MTHFD1L: variants seen among roughly 807,000 people sequenced by gnomAD.
MTHFD1L encodes the protein monofunctional C1-tetrahydrofolate synthase, mitochondrial.
A neutral mutation model predicts 119.5 loss-of-function variants in MTHFD1L; 81 were observed. The ratio of observed to expected loss-of-function variants is 0.68; its 90% CI spans 0.57 to 0.82. MTHFD1L has a LOEUF of 0.82. MTHFD1L is among the 40% of genes least tolerant of loss of function. MTHFD1L has a pLI of 0.00. For synonymous variants in MTHFD1L, 430 were observed against 475.2 expected (o/e 0.90, Z 1.24); for missense variants, 1,125 against 1,253.4 (o/e 0.90, Z 1.55).
chr6:150,990,077 G>A (rs768279643), intron 20 of MTHFD1L, among the ~76,000 whole-genome samples: 89 of 152,214 alleles, frequency 5.8e-4, no homozygotes, highest in Non-Finnish European at 1.2e-3. Context: ...TCAGGAGTTC[G>A]AGACCAGCTT....
chr6:151,007,397 G>GC (rs1170085386), intron 20 of MTHFD1L, among the ~76,000 whole-genome samples: 5 of 151,434 alleles, frequency 3.3e-5, no homozygotes, highest in African/African-American at 1.2e-4. Context: ...TCCCACAAAT[G>GC]CTTAGGAATT....
rs1778214303 is a variant in MTHFD1L, at chr6:150,865,919, AGCGGCGGCGGCGGAG to A, written c.108_122del (p.Gly38_Gly42del). 9.2e-6 allele frequency: 11 copies of A among 1,197,908 alleles called. No homozygotes were observed. Among genetic ancestry groups the A allele is most frequent in the African/African-American group, 6.4e-5 (4 of 62,262 alleles). 74.2% of individuals were successfully genotyped at this position (1,197,908 alleles called of 1,614,324 possible). On this transcript the variant is annotated inframe_deletion, in exon 1 of 28. Transcript: ENST00000367321. ...CCTCCGTGTGCCCTGTCGCGCTAGC[AGCGGCGGCGGCGGAG>A]GCGGCGGCGGTGGCCGGGAGGGCCT... is the stretch of plus-strand genomic sequence containing the variant.
At chr6:151,030,250 C>CACCACA (rs1785148083) in intron 24 of MTHFD1L, among the ~76,000 whole-genome samples, 1 of 152,224 alleles carries the variant, frequency 6.6e-6, no homozygotes, top group Non-Finnish European at 1.5e-5. Flanking sequence ...CTGAGCCCTT[C>CACCACA]TACCTCACAC....
At chr6:151,001,656 G>A (rs1227249648) in intron 20 of MTHFD1L, among the ~76,000 whole-genome samples, 1 of 152,108 alleles carries the variant, frequency 6.6e-6, no homozygotes, top group African/African-American at 2.4e-5. Context: ...GCTGGGAGTG[G>A]GTAAAATACC....
At chr6:150,955,917 G>A in intron 16 of MTHFD1L, 78 bp from the exon 17 acceptor site, 1 of 1,261,436 alleles carries the variant, frequency 7.9e-7, no homozygotes, top group Non-Finnish European at 1.2e-6. Context: ...AACTTCCTGA[G>A]CATCAGAACA....
intron 24 of MTHFD1L, among the ~76,000 whole-genome samples, chr6:151,025,904 A>G (rs535870387): frequency 1.3e-5 from 2 of 152,322 alleles, no homozygotes; most frequent in Admixed American, 1.3e-4. Context: ...AGAGTTGCTG[A>G]CTTAAGAATT....
chr6:150,994,080 AG>A (rs143928581), intron 20 of MTHFD1L, among the ~76,000 whole-genome samples: 1 of 132,424 alleles, frequency 7.6e-6, no homozygotes, highest in African/African-American at 3.3e-5. Context: ...AAAAAAAAAA[AG>A]AAAGAAAGAA....
At chr6:151,013,911 TCTTA>T in intron 22 of MTHFD1L, 91 bp downstream of exon 22, 1 of 1,172,176 alleles carries the variant, frequency 8.5e-7, no homozygotes, top group Non-Finnish European at 1.2e-6. Flanking sequence ...TTCAGTGGCC[TCTTA>T]GAAAAGTGCT....
rs116444787 is a variant in MTHFD1L at position 150,952,982 on chromosome 6, G to A, written c.1727-3013G>A. 1.1e-3 allele frequency among the ~76,000 whole-genome samples: 169 copies of A among 152,226 alleles called. 1 individual carries two copies. The highest frequency in any genetic ancestry group is 3.8e-3 in the African/African-American group (157 of 41,536). On this transcript the variant is annotated intron_variant, in intron 16 of 27. Coordinates refer to ENST00000367321, the MANE Select transcript of MTHFD1L (RefSeq NM_015440.5). Reference sequence around the variant, plus strand: ...CCATTTTGTTACAGAGCATAATTTTGCACAGATGAGCCTCTGCCTGTCCGA... The same window carrying A: ...CCATTTTGTTACAGAGCATAATTTTACACAGATGAGCCTCTGCCTGTCCGA...
intron 19 of MTHFD1L, among the ~76,000 whole-genome samples, chr6:150,965,714 A>G (rs920867808): frequency 6.6e-6 from 1 of 151,200 alleles, no homozygotes; most frequent in Non-Finnish European, 1.5e-5. Context: ...TTGTATGGCC[A>G]TGTTTACAAT....
intron 15 of MTHFD1L, 115 bp downstream of exon 15, chr6:150,945,656 TG>T (rs1793808778): frequency 1.0e-6 from 1 of 972,330 alleles, no homozygotes; most frequent in African/African-American, 1.6e-5. Context: ...GATATCCTTT[TG>T]GGTATTAAAC....
chr6:151,025,112 T>C (rs1307204907), intron 24 of MTHFD1L, among the ~76,000 whole-genome samples: 2 of 152,338 alleles, frequency 1.3e-5, no homozygotes, highest in East Asian at 3.9e-4. Context: ...CGGCGAGCCT[T>C]TCTTCCATTT....
chr6:150,994,671 A>G (rs1779581817), intron 20 of MTHFD1L, among the ~76,000 whole-genome samples: 1 of 152,202 alleles, frequency 6.6e-6, no homozygotes, highest in East Asian at 1.9e-4. Context: ...TCATTTTTGA[A>G]AAAGAGTTTA....
intron 13 of MTHFD1L, chr6:150,939,140 G>A (rs1460929576): frequency 4.7e-6 from 1 of 212,218 alleles, no homozygotes; most frequent in Non-Finnish European, 9.7e-6. Flanking sequence ...GAGAGAATGT[G>A]GGTCTGTGCC....
In MTHFD1L at chr6:151,048,290, C is replaced by T. The variant is rs1184048351; in HGVS notation, c.2847+11173C>T. Among the ~76,000 whole-genome samples, 6 of 152,232 alleles carry T rather than the reference C, an allele frequency of 3.9e-5. No homozygotes were observed. The East Asian group carries it at 7.7e-4, about 20-fold the overall frequency. On this transcript the variant is annotated intron_variant, in intron 26 of 27. Coordinates refer to ENST00000367321, the MANE Select transcript of MTHFD1L (RefSeq NM_015440.5). ...TTCAAGCACACCTCTTCACTTGTGC[C>T]GCCAGCTAAGGTTTACTGCAGTTAC...
At chr6:150,960,187 T>A (rs971708274) in intron 17 of MTHFD1L, 88 bp from the exon 18 acceptor site, 2 of 1,492,426 alleles carry the variant, frequency 1.3e-6, no homozygotes, top group Admixed American at 4.1e-5. Flanking sequence ...GGCCTGTGGT[T>A]GCTTCATGGC....
chr6:151,041,348 C>T (rs890383009), intron 26 of MTHFD1L, among the ~76,000 whole-genome samples: 17 of 152,160 alleles, frequency 1.1e-4, no homozygotes, highest in African/African-American at 3.9e-4. Context: ...ATTCATCACC[C>T]GTGTGGGAGA....
At chr6:151,071,650 G>A (rs566940448) in intron 26 of MTHFD1L, among the ~76,000 whole-genome samples, 13 of 152,098 alleles carry the variant, frequency 8.5e-5, no homozygotes, top group South Asian at 6.2e-4. Context: ...CAGAGAAAAC[G>A]GACTTGTTTT....
intron 9 of MTHFD1L, among the ~76,000 whole-genome samples, chr6:150,921,308 G>A (rs946139307): frequency 9.9e-5 from 15 of 151,704 alleles, no homozygotes; most frequent in Non-Finnish European, 1.2e-4. Flanking sequence ...TAGTAGAGAC[G>A]GGGTTTCTCC....
Sources: gnomAD v4.1 joint callset for allele counts (sites outside exome capture counted in the v4.1 genomes callset) on GRCh38, gnomAD v4.1.1 for gene constraint, MANE v1.5 for transcripts, NCBI Gene and HGNC (gene_info 2026-07-23, HGNC 2026-07-21) for gene names.